AGBL1: variants seen among roughly 807,000 people sequenced by gnomAD.
AGBL1 encodes cytosolic carboxypeptidase 4.
AGBL1 carries 130 observed loss-of-function variants against 118.9 expected under a neutral mutation model. The ratio of observed to expected loss-of-function variants is 1.09; its 90% confidence interval spans 0.95 to 1.26. AGBL1 has a LOEUF of 1.26. Among genes scored for constraint, AGBL1 ranks in the 50% most tolerant of loss-of-function variants. The probability of loss-of-function intolerance (pLI) is 0.00; values close to 1 mark genes in which losing one functional copy is unlikely to be tolerated. For synonymous variants in AGBL1, 555 were observed against 478.9 expected, an observed-to-expected ratio of 1.16 and a Z score of -2.08; for missense variants, 1,584 against 1,298.1, an observed-to-expected ratio of 1.22 and a Z score of -3.38.
At chr15:87,026,482 A>C (rs2081727727) in intron 24 of AGBL1, among the ~76,000 whole-genome samples, 1 of 152,072 alleles carries the variant, frequency 6.6e-6, no homozygotes, top group Non-Finnish European at 1.5e-5. Context: ...CATAATCAAA[A>C]AATCAAAAAA....
chr15:86,855,855 C>G (rs984278724), intron 22 of AGBL1, among the ~76,000 whole-genome samples: 4 of 152,184 alleles, frequency 2.6e-5, no homozygotes, highest in Non-Finnish European at 5.9e-5. Context: ...GGGACCCCTG[C>G]TCAGATCTGC....
intron 18 of AGBL1, among the ~76,000 whole-genome samples, chr15:86,485,186 C>G (rs1223219871): frequency 6.6e-6 from 1 of 152,118 alleles, no homozygotes; most frequent in East Asian, 1.9e-4. Context: ...ACTGGCATTA[C>G]CTGGAGTTTG....
At chr15:86,371,626 C>T (rs2080971490) in intron 17 of AGBL1, among the ~76,000 whole-genome samples, 1 of 152,132 alleles carries the variant, frequency 6.6e-6, no homozygotes, top group Non-Finnish European at 1.5e-5. Context: ...GACTCCCATA[C>T]CTCACCCCGG....
chr15:86,661,198 T>C (rs1284463257), intron 21 of AGBL1, among the ~76,000 whole-genome samples: 1 of 152,136 alleles, frequency 6.6e-6, no homozygotes, highest in Non-Finnish European at 1.5e-5. Context: ...GCTTCCTTAA[T>C]ACGCATAAGA....
At chr15:86,715,786 C>T (rs181943441) in intron 22 of AGBL1, among the ~76,000 whole-genome samples, 416 of 152,148 alleles carry the variant, frequency 2.7e-3, no homozygotes, top group Middle Eastern at 6.8e-3. Context: ...AGGCCGGGTG[C>T]GGTGGCTCAC....
intron 22 of AGBL1, among the ~76,000 whole-genome samples, chr15:86,827,372 TATATATATATACAC>T (rs1395131527): frequency 1.3e-4 from 1 of 7,926 alleles, no homozygotes; most frequent in Non-Finnish European, 1.7e-4. Context: ...TGTGTGTGTA[TATATATATATACAC>T]ATATATATAT....
chr15:86,994,878 C>T (rs917984477), intron 24 of AGBL1, among the ~76,000 whole-genome samples: 9 of 152,142 alleles, frequency 5.9e-5, no homozygotes, highest in Non-Finnish European at 8.8e-5. Flanking sequence ...GAAACAGATA[C>T]TGTGGGGTGA....
intron 24 of AGBL1, among the ~76,000 whole-genome samples, chr15:87,028,221 G>A (rs1224991517): frequency 2.0e-5 from 3 of 151,982 alleles, no homozygotes; most frequent in African/African-American, 7.2e-5. Flanking sequence ...ATTTCTCTGA[G>A]AATGTCTTTC....
intron 22 of AGBL1, among the ~76,000 whole-genome samples, chr15:86,886,958 G>A (rs2079979450): frequency 6.6e-6 from 1 of 152,172 alleles, no homozygotes; most frequent in Non-Finnish European, 1.5e-5. Flanking sequence ...AACAGAAGAT[G>A]ACACAGATCA....
At chr15:86,957,007 T>A (rs2080938122) in intron 23 of AGBL1, among the ~76,000 whole-genome samples, 1 of 152,010 alleles carries the variant, frequency 6.6e-6, no homozygotes, top group Non-Finnish European at 1.5e-5. Context: ...ACAAAGGCAA[T>A]TGGGCACAAA....
intron 17 of AGBL1, among the ~76,000 whole-genome samples, chr15:86,366,517 A>T (rs2080889929): frequency 6.6e-6 from 1 of 152,186 alleles, no homozygotes; most frequent in Non-Finnish European, 1.5e-5. Context: ...ATTCCAATGC[A>T]GCCAGGATCA....
At chr15:86,952,187 C>T (rs1387939889) in intron 23 of AGBL1, among the ~76,000 whole-genome samples, 5 of 151,736 alleles carry the variant, frequency 3.3e-5, no homozygotes, top group Non-Finnish European at 7.4e-5. Flanking sequence ...GCCGAGATCA[C>T]GCTGCTGCAC....
chr15:86,355,295 GAA>G (rs557116581), intron 17 of AGBL1, among the ~76,000 whole-genome samples: 1 of 152,236 alleles, frequency 6.6e-6, no homozygotes, highest in South Asian at 2.1e-4. Context: ...GATATTTCAG[GAA>G]AAGTATCATA....
At chr15:86,157,794 A>C (rs2077212563) in intron 4 of AGBL1, among the ~76,000 whole-genome samples, 1 of 152,158 alleles carries the variant, frequency 6.6e-6, no homozygotes, top group African/African-American at 2.4e-5. Context: ...AGAGCCAATG[A>C]ACCCTTTGGA....
chr15:86,366,603 G>A (rs568911857), intron 17 of AGBL1, among the ~76,000 whole-genome samples: 110 of 152,178 alleles, frequency 7.2e-4, no homozygotes, highest in African/African-American at 2.4e-3. Context: ...GGCATCACCC[G>A]TCTCTCCCAG....
At chr15:86,330,393 ACT>A (rs201310917) in intron 17 of AGBL1, among the ~76,000 whole-genome samples, 4,157 of 152,292 alleles carry the variant, frequency 0.027, 89 homozygotes, top group South Asian at 0.047. Context: ...AAACCCAAAA[ACT>A]CTGCCTAGCA....
chr15:86,239,838 T>C (rs1032348835), intron 6 of AGBL1, among the ~76,000 whole-genome samples: 3 of 152,200 alleles, frequency 2.0e-5, no homozygotes, highest in Non-Finnish European at 4.4e-5. Context: ...TAAAAGTCTT[T>C]ACATAGGTGC....
chr15:86,847,154 A>G (rs1025077500), intron 22 of AGBL1, among the ~76,000 whole-genome samples: 1 of 152,058 alleles, frequency 6.6e-6, no homozygotes, highest in African/African-American at 2.4e-5. Flanking sequence ...GAAATTAATC[A>G]TATTTCTCTT....
At chr15:86,415,578 T>C (rs1012622194) in intron 18 of AGBL1, among the ~76,000 whole-genome samples, 1 of 152,188 alleles carries the variant, frequency 6.6e-6, no homozygotes, top group African/African-American at 2.4e-5. Context: ...AACTAAATAG[T>C]GTATTTAGCA....
Sources: allele counts gnomAD v4.1 joint callset (sites outside exome capture counted in the v4.1 genomes callset), GRCh38; gene constraint gnomAD v4.1.1; transcripts MANE v1.5; gene names NCBI Gene and HGNC (gene_info 2026-07-23, HGNC 2026-07-21).